Variants in SOX6 observed in about 807,000 individuals in gnomAD.
SOX6 encodes the protein transcription factor SOX-6.
SOX6 carries 11 observed loss-of-function variants against 97.8 expected under a neutral mutation model. The observed-to-expected ratio is 0.11, with a 90% CI of 0.07 to 0.19. The LOEUF (loss-of-function observed/expected upper bound fraction) is 0.19. SOX6 is among the 10% of genes least tolerant of loss of function. The pLI is 1.00. For synonymous variants in SOX6, 360 were observed against 371.4 expected (o/e 0.97, Z 0.35); for missense variants, 810 against 1,039.5 (o/e 0.78, Z 3.04).
upstream of SOX6, among the ~76,000 whole-genome samples, chr11:16,357,725 A>G (rs1160356945): frequency 2.0e-5 from 3 of 152,192 alleles, no homozygotes; most frequent in East Asian, 3.8e-4. Context: ...CTAAACAAAT[A>G]ATGCTTAGTA....
At position 16,096,000 on chromosome 11, in the gene SOX6, A is replaced by T. The variant is rs778122337; in HGVS notation, c.1097T>A (p.Ile366Asn). 6.2e-7 allele frequency: 1 copy of T among 1,611,284 alleles called. No homozygotes were observed. The highest frequency in any genetic ancestry group is 1.7e-5 in the Admixed American group (1 of 59,736). The change falls in exon 9 of 16, where the codon ATT (isoleucine) becomes AAT (asparagine). Residue 366 changes from isoleucine to asparagine, a missense_variant. Physicochemically the swap from Ile to Asn is moderately radical, Grantham distance 149 (BLOSUM62 -3). Transcript: ENST00000683767. ...CATCAATGGAAGCATTCATACCTCA[A>T]TCTGTTTGTGGTTGTAAGAGTGGCC... The part of the protein sequence containing the change: ...GGGHSYNHKQ[I>N]EQLYAAQLAS...
At chr11:16,317,110 T>C (rs1177980453) in intron 3 of SOX6, 1 of 151,732 alleles carries the variant, frequency 6.6e-6, no homozygotes, top group Non-Finnish European at 1.5e-5. Context: ...TACAAAAAGA[T>C]ATATATATCA....
chr11:16,022,377 C>CCTTCCTTCCTT (rs1855091303), intron 12 of SOX6, among the ~76,000 whole-genome samples: 2 of 80,610 alleles, frequency 2.5e-5, no homozygotes, highest in African/African-American at 1.1e-4. Context: ...CTTCCTTCCT[C>CCTTCCTTCCTT]CCTCCCTCCC....
intron 1 of SOX6, among the ~76,000 whole-genome samples, chr11:16,466,862 C>T (rs1261589401): frequency 2.4e-5 from 3 of 126,704 alleles, no homozygotes; most frequent in Non-Finnish European, 3.2e-5. Flanking sequence ...ACCCGGGAGG[C>T]GGAGCTTGCA....
intron 3 of SOX6, among the ~76,000 whole-genome samples, chr11:16,686,776 T>C (rs1448881596): frequency 1.3e-5 from 2 of 152,218 alleles, no homozygotes; most frequent in Non-Finnish European, 2.9e-5. Context: ...CAGTATCAAT[T>C]TTCTGTGTTA....
At chr11:16,054,824 G>T (rs1212976568) in intron 10 of SOX6, among the ~76,000 whole-genome samples, 2 of 152,066 alleles carry the variant, frequency 1.3e-5, no homozygotes, top group African/African-American at 4.8e-5. Flanking sequence ...GTTTGAATTT[G>T]ATAATTCAAT....
intron 1 of SOX6, among the ~76,000 whole-genome samples, chr11:16,349,256 T>C (rs929858895): frequency 6.6e-6 from 1 of 152,190 alleles, no homozygotes; most frequent in African/African-American, 2.4e-5. Flanking sequence ...AAAACTCTAA[T>C]CATTCTCCAA....
Position 16,097,614 on chromosome 11 carries a change from G to A in SOX6, c.973C>T (p.Leu325Phe), listed in dbSNP as rs1397198956. Residue 325 changes from leucine to phenylalanine, a missense_variant, in exon 8 of 16, where the codon CTC (leucine) becomes TTC (phenylalanine). Physicochemically the swap from Leu to Phe is conservative, Grantham distance 22. This residue lies in a region of SOX6 where 244 missense variants were observed against 261.0 expected (regional missense o/e 0.93). Coordinates refer to ENST00000683767, the MANE Select transcript of SOX6 (RefSeq NM_001367873.1). ...AAASGLSPLQLQKGHVSHPQI... is the reference protein window; with the variant it reads ...AAASGLSPLQFQKGHVSHPQI... ...TTTTTTCTTCTGGCACTTACCTGGA[G>A]CTGTAAAGGGCTGAGTCCAGAAGCA... 1.2e-6 allele frequency: 2 copies of A among 1,610,834 alleles called. No individual in the cohort carries two copies. Among genetic ancestry groups the A allele is most frequent in the African/African-American group, 1.3e-5 (1 of 74,708 alleles).
intron 4 of SOX6, among the ~76,000 whole-genome samples, chr11:16,570,205 T>C (rs970396986): frequency 2.6e-5 from 4 of 152,182 alleles, no homozygotes; most frequent in Admixed American, 1.3e-4. Context: ...GATCGTATAC[T>C]CTCTGGTTTT....
chr11:15,990,231 A>G (rs1854004786), intron 13 of SOX6, among the ~76,000 whole-genome samples: 1 of 152,024 alleles, frequency 6.6e-6, no homozygotes. Context: ...TTGTATCCTC[A>G]GGATTTTTCA....
chr11:16,149,005 C>G lies in SOX6; in HGVS notation c.777+34881G>C, dbSNP rs75922355. 8.8e-4 allele frequency among the ~76,000 whole-genome samples: 134 copies of G among 152,254 alleles called. 2 individuals carry two copies. The East Asian group carries it at 0.024, about 27-fold the overall frequency. On this transcript the variant is annotated intron_variant, in intron 6 of 15. Coordinates refer to ENST00000683767, the MANE Select transcript of SOX6 (RefSeq NM_001367873.1). ...GTCTCCACGTTGTTTCTTCTTCCTT[C>G]AAGACTTCTGAAAGTCATTTTGTTG...
chr11:16,664,572 G>A (rs1847791106), intron 3 of SOX6, among the ~76,000 whole-genome samples: 1 of 152,186 alleles, frequency 6.6e-6, no homozygotes, highest in Non-Finnish European at 1.5e-5. Context: ...ACCACTGCAG[G>A]CTAATGTCCT....
At chr11:16,618,106 C>T (rs746123006) in intron 3 of SOX6, among the ~76,000 whole-genome samples, 2 of 151,808 alleles carry the variant, frequency 1.3e-5, no homozygotes, top group Non-Finnish European at 3.0e-5. Flanking sequence ...ATTCTGTTGA[C>T]ATTAATGGCT....
At chr11:16,002,114 G>A (rs974651502) in intron 13 of SOX6, among the ~76,000 whole-genome samples, 29 of 152,118 alleles carry the variant, frequency 1.9e-4, no homozygotes, top group African/African-American at 6.8e-4. Context: ...GATGTCTTTT[G>A]TTCTTTCAGG....
At chr11:16,483,199 A>C (rs1860373204) in intron 4 of SOX6, among the ~76,000 whole-genome samples, 1 of 152,204 alleles carries the variant, frequency 6.6e-6, no homozygotes, top group African/African-American at 2.4e-5. Flanking sequence ...CAAGCATACA[A>C]ATAAGAGGCA....
At chr11:16,295,211 A>C (rs1855038651) in intron 3 of SOX6, among the ~76,000 whole-genome samples, 1 of 152,156 alleles carries the variant, frequency 6.6e-6, no homozygotes, top group Admixed American at 6.6e-5. Flanking sequence ...ATCAAGACTG[A>C]AAGTTCTACG....
chr11:16,503,198 C>T (rs1860734874), intron 4 of SOX6, among the ~76,000 whole-genome samples: 1 of 150,834 alleles, frequency 6.6e-6, no homozygotes, highest in African/African-American at 2.4e-5. Context: ...ACAAGCTCTA[C>T]AAGAAATGCT....
At chr11:16,021,624 C>T (rs1189980500) in intron 12 of SOX6, among the ~76,000 whole-genome samples, 1 of 151,958 alleles carries the variant, frequency 6.6e-6, no homozygotes, top group African/African-American at 2.4e-5. Flanking sequence ...TAGACTTTGG[C>T]TGGAGGAAAT....
chr11:16,528,184 T>A (rs1432591863), intron 4 of SOX6, among the ~76,000 whole-genome samples: 1 of 152,064 alleles, frequency 6.6e-6, no homozygotes, highest in East Asian at 1.9e-4. Context: ...TTTCTAAAAG[T>A]CTGCTCATAA....
Sources: allele counts gnomAD v4.1 joint callset (sites outside exome capture counted in the v4.1 genomes callset), GRCh38; gene constraint gnomAD v4.1.1; regional missense constraint gnomAD v4.1.1; transcripts MANE v1.5; gene names NCBI Gene and HGNC (gene_info 2026-07-23, HGNC 2026-07-21).